The following SBF2 variants were observed in gnomAD, a reference collection of about 807,000 sequenced individuals.
SBF2 encodes SET binding factor 2, also known as myotubularin-related protein 13.
Under a neutral mutation model 225.2 loss-of-function variants are expected in SBF2, and 112 were observed. That is an observed-to-expected ratio of 0.50 (90% CI 0.43 to 0.58). SBF2 has a LOEUF of 0.58. Ranked by LOEUF, SBF2 falls within the 20% of genes least tolerant of loss-of-function variation. The pLI, the probability that SBF2 is intolerant of heterozygous loss-of-function variation, is 0.00. For synonymous variants in SBF2, 763 were observed against 773.3 expected, an observed-to-expected ratio of 0.99 and a Z score of 0.22; for missense variants, 1,996 against 2,206.2, an observed-to-expected ratio of 0.90 and a Z score of 1.91.
At chr11:10,002,429 A>C in intron 7 of SBF2, 128 bp downstream of exon 7, 1 of 761,092 alleles carries the variant, frequency 1.3e-6, no homozygotes, top group South Asian at 1.7e-5. Flanking sequence ...ACTATGACTC[A>C]TATAACAGCA....
At chr11:10,201,013 C>T (rs1957552425) in intron 1 of SBF2, among the ~76,000 whole-genome samples, 1 of 152,160 alleles carries the variant, frequency 6.6e-6, no homozygotes, top group Non-Finnish European at 1.5e-5. Context: ...GCTTCTATTC[C>T]ATTCTCTCCC....
chr11:9,830,313 C>T (rs1025897103), intron 27 of SBF2, among the ~76,000 whole-genome samples: 1 of 152,200 alleles, frequency 6.6e-6, no homozygotes, highest in Non-Finnish European at 1.5e-5. Flanking sequence ...TTTAATATGT[C>T]ATCAATTCTA....
intron 2 of SBF2, among the ~76,000 whole-genome samples, chr11:10,108,114 G>C (rs1458087673): frequency 6.6e-6 from 1 of 152,154 alleles, no homozygotes; most frequent in Non-Finnish European, 1.5e-5. Context: ...TCATGCCTGA[G>C]TCTCCGGATA....
chr11:9,860,306 A>G (rs1857630289), intron 17 of SBF2, among the ~76,000 whole-genome samples: 1 of 132,058 alleles, frequency 7.6e-6, no homozygotes, highest in South Asian at 2.4e-4. Context: ...TTTGTTACCC[A>G]GGCTGGAGTG....
At chr11:9,906,258 T>C (rs1862109502) in intron 16 of SBF2, among the ~76,000 whole-genome samples, 1 of 152,230 alleles carries the variant, frequency 6.6e-6, no homozygotes, top group African/African-American at 2.4e-5. Context: ...ATGGTTGGGA[T>C]GCCAAGATGC....
At chr11:10,273,648 T>C (rs142762767) in intron 1 of SBF2, among the ~76,000 whole-genome samples, 1 of 152,370 alleles carries the variant, frequency 6.6e-6, no homozygotes, top group East Asian at 1.9e-4. Context: ...CACTGCTGTA[T>C]GTGTGTATCT....
At chr11:9,857,638 A>G (rs189659973) in intron 18 of SBF2, among the ~76,000 whole-genome samples, 49 of 152,356 alleles carry the variant, frequency 3.2e-4, no homozygotes, top group African/African-American at 1.2e-3. Flanking sequence ...GTGAAGTAAC[A>G]TGACTTGCCC....
Position 10,133,532 on chromosome 11 carries a change from G to T in SBF2, c.141+60370C>A, listed in dbSNP as rs190418403. Among the ~76,000 whole-genome samples, 276 of 135,498 alleles carry T rather than the reference G, an allele frequency of 2.0e-3. 42 individuals are homozygous for T. Among genetic ancestry groups the T allele is most frequent in the African/African-American group, 6.7e-3 (263 of 39,398 alleles). 88.9% of individuals were successfully genotyped at this position (135,498 alleles called of 152,430 possible). A position where few individuals can be genotyped will look rare whatever the true frequency, so the allele number is the denominator to read the frequency against. ...TGCTGGGGGACTCAGTACACCCTCC[G>T]CAGCCACTGGCCTGGGTGCTAAGTC... On this transcript the variant is annotated intron_variant, in intron 2 of 39. Coordinates refer to ENST00000256190, the MANE Select transcript of SBF2 (RefSeq NM_030962.4).
chr11:9,923,659 C>T (rs1387534705), intron 16 of SBF2, among the ~76,000 whole-genome samples: 1 of 152,122 alleles, frequency 6.6e-6, no homozygotes, highest in Admixed American at 6.6e-5. Flanking sequence ...CTCCTCCTGG[C>T]ACATGGAGAT....
intron 6 of SBF2, among the ~76,000 whole-genome samples, chr11:10,025,570 C>T (rs1041242064): frequency 6.6e-6 from 1 of 152,048 alleles, no homozygotes; most frequent in Non-Finnish European, 1.5e-5. Flanking sequence ...TATTTACTGG[C>T]TCTGATGCCT....
intron 6 of SBF2, among the ~76,000 whole-genome samples, chr11:10,011,102 T>TA (rs1166654484): frequency 2.0e-5 from 3 of 152,110 alleles, no homozygotes; most frequent in East Asian, 1.9e-4. Flanking sequence ...AGAGAAGAAA[T>TA]AAAAAAATAC....
At chr11:9,862,889 A>G (rs1857879743) in intron 17 of SBF2, among the ~76,000 whole-genome samples, 1 of 152,164 alleles carries the variant, frequency 6.6e-6, no homozygotes, top group Non-Finnish European at 1.5e-5. Flanking sequence ...ATGAGATTTA[A>G]CTCATACTGA....
At chr11:10,181,665 C>G (rs564173136) in intron 2 of SBF2, among the ~76,000 whole-genome samples, 1 of 152,074 alleles carries the variant, frequency 6.6e-6, no homozygotes, top group Non-Finnish European at 1.5e-5. Context: ...CCTTCCTGGA[C>G]ACATCTCAAT....
intron 2 of SBF2, among the ~76,000 whole-genome samples, chr11:10,147,899 A>G (rs1456307749): frequency 5.3e-5 from 8 of 152,180 alleles, no homozygotes; most frequent in African/African-American, 1.9e-4. Context: ...AGCTACTAGA[A>G]AAAGTTACTT....
At chr11:9,828,280 T>C in intron 28 of SBF2, 1 of 1,266,262 alleles carries the variant, frequency 7.9e-7, no homozygotes, top group Non-Finnish European at 1.0e-6. Flanking sequence ...ATTACTCAAA[T>C]GACAAAAAGT....
intron 17 of SBF2, among the ~76,000 whole-genome samples, chr11:9,882,542 C>G (rs1316654643): frequency 1.3e-5 from 2 of 152,274 alleles, no homozygotes; most frequent in Admixed American, 6.5e-5. Flanking sequence ...GGCATGGTGG[C>G]TCATGTCTGT....
At chr11:9,849,967 T>G (rs1489053182) in intron 22 of SBF2, 56 bp downstream of exon 22, 12 of 1,494,664 alleles carry the variant, frequency 8.0e-6, no homozygotes, top group Non-Finnish European at 1.1e-5. Flanking sequence ...ACAGATGGGA[T>G]CGAGACCTCA....
chr11:9,959,565 A>T, intron 16 of SBF2: 1 of 772,614 alleles, frequency 1.3e-6, no homozygotes, highest in South Asian at 1.3e-5. Flanking sequence ...AAAACATGGC[A>T]GCAGGCATGA....
intron 2 of SBF2, among the ~76,000 whole-genome samples, chr11:10,182,769 TGTTG>T (rs1455711475): frequency 6.6e-6 from 1 of 151,800 alleles, no homozygotes; most frequent in Non-Finnish European, 1.5e-5. Context: ...ATTGTTTGTT[TGTTG>T]TTTTTTAATT....
Sources: gnomAD v4.1 joint callset for allele counts (sites outside exome capture counted in the v4.1 genomes callset) on GRCh38, gnomAD v4.1.1 for gene constraint, MANE v1.5 for transcripts, NCBI Gene and HGNC (gene_info 2026-07-23, HGNC 2026-07-21) for gene names.